TOP2B: variants seen among roughly 807,000 people sequenced by gnomAD.
The protein encoded by TOP2B is DNA topoisomerase 2-beta.
TOP2B carries 51 observed loss-of-function variants against 193.5 expected under a neutral mutation model. That is an observed-to-expected ratio of 0.26 (90% CI 0.21 to 0.33). TOP2B has a LOEUF of 0.33. TOP2B is among the 10% of genes least tolerant of loss of function. The probability of loss-of-function intolerance (pLI) is 1.00; values close to 1 mark genes in which losing one functional copy is unlikely to be tolerated. For missense variants in TOP2B, 1,378 were observed against 1,909.3 expected (o/e 0.72, Z 5.19); for synonymous variants, 634 against 635.7 (o/e 1.00, Z 0.04).
In TOP2B at chr3:25,618,411, T is replaced by C; in HGVS notation, c.3351+7A>G. On this transcript the variant is annotated splice_region_variant and intron_variant, in intron 25 of 35. Coordinates refer to ENST00000264331, the MANE Select transcript of TOP2B (RefSeq NM_001330700.2). ...TTCTCTGAATGTCTTTTTCTGCAAA[T>C]GATTACCTTTTCTTGTGCTTCTTTC... is the stretch of plus-strand genomic sequence containing the variant. 6.2e-7 allele frequency: 1 copy of C among 1,603,728 alleles called. No homozygotes were observed.
rs1439771558 is a variant in TOP2B, at chr3:25,623,550, T to C, written c.2692A>G (p.Arg898Gly). ...YDAREIVNNV[R>G]RMLDGLDPHP... ...GGATCCAGGCCATCTAGCATTCGTCTGACATTGTTCACAATTTCCCTAGCA... is the reference window on the plus strand; with the variant it reads ...GGATCCAGGCCATCTAGCATTCGTCCGACATTGTTCACAATTTCCCTAGCA... Residue 898 changes from arginine (R) to glycine (G), a missense_variant, in exon 21 of 36, where the codon AGA becomes GGA. Coordinates refer to ENST00000264331, the MANE Select transcript of TOP2B (RefSeq NM_001330700.2). 2 of 1,613,870 alleles carry C rather than the reference T, an allele frequency of 1.2e-6. No individual in the cohort carries two copies. Among genetic ancestry groups the C allele is most frequent in the Non-Finnish European group, 8.5e-7 (1 of 1,179,874 alleles).
At chr3:25,608,454 C>T (rs919396618) in intron 30 of TOP2B, among the ~76,000 whole-genome samples, 4 of 152,120 alleles carry the variant, frequency 2.6e-5, no homozygotes, top group Non-Finnish European at 4.4e-5. Flanking sequence ...CTATATTATG[C>T]TACCTATGTA....
At chr3:25,661,926 G>A (rs908024956) in intron 1 of TOP2B, among the ~76,000 whole-genome samples, 6 of 152,126 alleles carry the variant, frequency 3.9e-5, no homozygotes, top group South Asian at 2.1e-4. Flanking sequence ...CCACAAGCAG[G>A]TGGCAACATA....
At position 25,622,335 on chromosome 3, in the gene TOP2B, A is replaced by T. The variant is rs531754781; in HGVS notation, c.2727+1180T>A. On this transcript the variant is annotated intron_variant, in intron 21 of 35. Transcript: ENST00000264331. ...GAAATATTTTGAAGTACTTTGAAGT[A>T]TTTAAGAGAAAAAGCAGAATATATG... Among the ~76,000 whole-genome samples, 11 of 152,348 alleles carry T rather than the reference A, an allele frequency of 7.2e-5. No homozygotes were observed. The South Asian group carries it at 2.3e-3, about 32-fold the overall frequency.
intron 1 of TOP2B, 107 bp downstream of exon 1, chr3:25,664,122 G>A: frequency 1.3e-6 from 2 of 1,488,342 alleles, no homozygotes; most frequent in South Asian, 2.4e-5. Flanking sequence ...GCGCCCGTTC[G>A]GGGGACGGGA....
At chr3:25,602,675 C>A (rs1702138543) in intron 33 of TOP2B, among the ~76,000 whole-genome samples, 1 of 152,136 alleles carries the variant, frequency 6.6e-6, no homozygotes, top group African/African-American at 2.4e-5. Context: ...ACAAGAACCA[C>A]AGGGCAGCTC....
rs756267707 is a variant in TOP2B at position 25,636,071 on chromosome 3, T to C, written c.717A>G (p.Thr239=). The C allele has an allele frequency of 1.9e-6, 3 of 1,612,936 alleles. No individual in the cohort carries two copies. Among genetic ancestry groups the C allele is most frequent in the East Asian group, 2.2e-5 (1 of 44,834 alleles). ...TAAATTTGGACAGATCTGGTTGGAA[T>C]GTTATGCATGTGTAATCTTCACCAT... ...HFDGEDYTCI[T]FQPDLSKFKM... The change falls in exon 7 of 36, where the codon ACA becomes ACG. Residue 239 remains threonine (T), a synonymous_variant. Coordinates refer to ENST00000264331, the MANE Select transcript of TOP2B (RefSeq NM_001330700.2).
chr3:25,619,868 A>G lies in TOP2B; in HGVS notation c.3057T>C (p.Asn1019=). 1.1e-5 allele frequency: 17 copies of G among 1,598,146 alleles called. No individual in the cohort carries two copies. The highest frequency in any genetic ancestry group is 1.5e-5 in the Non-Finnish European group (17 of 1,166,060). ...VFKLQTTLTC[N]SMVLFDHMGC... ...AGTAAATCTAATAAATTACCATGGA[A>G]TTACAAGTAAGAGTAGTTTGAAGTT... Residue 1019 remains asparagine (N), a synonymous_variant, in exon 23 of 36, where the codon AAT becomes AAC. Coordinates refer to ENST00000264331, the MANE Select transcript of TOP2B (RefSeq NM_001330700.2).
intron 13 of TOP2B, 117 bp from the exon 14 acceptor site, chr3:25,629,262 A>G (rs904020557): frequency 3.0e-6 from 2 of 663,336 alleles, no homozygotes; most frequent in African/African-American, 3.7e-5. Flanking sequence ...TTAGAAATGC[A>G]TTTTACAAAA....
intron 30 of TOP2B, 76 bp from the exon 31 acceptor site, chr3:25,607,451 C>A: frequency 6.9e-7 from 1 of 1,445,610 alleles, no homozygotes; most frequent in Non-Finnish European, 9.3e-7. Flanking sequence ...ACTGATAAAG[C>A]ATTTGAAGTA....
intron 2 of TOP2B, among the ~76,000 whole-genome samples, chr3:25,644,577 T>G (rs187469505): frequency 0.013 from 1,953 of 151,374 alleles, 43 homozygotes; most frequent in African/African-American, 0.043. Context: ...GGCGCATGCC[T>G]GTAATCCCAG....
In TOP2B at chr3:25,604,871, C is replaced by G; in HGVS notation, c.4379-1G>C. ...TCATTACTGTCAAATTTAGCTGAATCTAAAAATTGCAAAGCCTTCTTTTAG... is the reference window on the plus strand; with the variant it reads ...TCATTACTGTCAAATTTAGCTGAATGTAAAAATTGCAAAGCCTTCTTTTAG... On this transcript the variant is annotated splice_acceptor_variant, in intron 32 of 35. Coordinates refer to ENST00000264331, the MANE Select transcript of TOP2B (RefSeq NM_001330700.2). LOFTEE classifies it high-confidence loss of function. 1 of 1,608,582 alleles carries G rather than the reference C, an allele frequency of 6.2e-7. No individual in the cohort carries two copies. Among genetic ancestry groups the G allele is most frequent in the Non-Finnish European group, 8.5e-7 (1 of 1,176,360 alleles).
intron 29 of TOP2B, 84 bp from the exon 30 acceptor site, chr3:25,609,428 T>C (rs1702314556): frequency 6.8e-7 from 1 of 1,464,434 alleles, no homozygotes; most frequent in Non-Finnish European, 9.1e-7. Flanking sequence ...TAATGAAAAG[T>C]TCATTACAAA....
intron 1 of TOP2B, among the ~76,000 whole-genome samples, chr3:25,649,194 A>T (rs2125401387): frequency 6.6e-6 from 1 of 152,310 alleles, no homozygotes; most frequent in South Asian, 2.1e-4. Flanking sequence ...GCCAAGGGAA[A>T]GGAGCAAAAA....
chr3:25,627,157 C>T (rs1702824075), intron 16 of TOP2B, 30 bp downstream of exon 16: 2 of 1,512,554 alleles, frequency 1.3e-6, no homozygotes, highest in African/African-American at 1.4e-5. Flanking sequence ...GGATGGCTAA[C>T]AAAAGCTTTT....
intron 28 of TOP2B, among the ~76,000 whole-genome samples, chr3:25,610,414 CA>C (rs1702339354): frequency 6.6e-6 from 1 of 151,966 alleles, no homozygotes; most frequent in African/African-American, 2.4e-5. Flanking sequence ...AAGGCAGGGT[CA>C]AAAAAGTCTC....
intron 6 of TOP2B, 79 bp downstream of exon 6, chr3:25,637,136 A>C: frequency 8.7e-7 from 1 of 1,143,896 alleles, no homozygotes; most frequent in East Asian, 2.6e-5. Flanking sequence ...CATCACTGCA[A>C]TTTACCCAAG....
chr3:25,653,037 C>T (rs73054061), intron 1 of TOP2B, among the ~76,000 whole-genome samples: 53,966 of 151,874 alleles, frequency 0.36, 10,324 homozygotes, highest in African/African-American at 0.5. Context: ...GATTAGATAA[C>T]CTAGAAGAAA....
chr3:25,645,394 A>C lies in TOP2B; in HGVS notation c.146T>G (p.Leu49Trp), dbSNP rs777742617. The stretch of plus-strand genomic sequence containing the variant: ...CTTCTGATACACTCTCTCAACAGAC[A>C]ACTTCTTTGAAGAATCATTTTTGTT... ...TANKNDSSKKLSVERVYQKKT... is the reference protein window; with the variant it reads ...TANKNDSSKKWSVERVYQKKT... The change falls in exon 2 of 36, where the codon TTG becomes TGG. Residue 49 changes from leucine (L) to tryptophan (W), a missense_variant. Leu to Trp is a moderately conservative substitution (Grantham distance 61). Coordinates refer to ENST00000264331, the MANE Select transcript of TOP2B (RefSeq NM_001330700.2). 3.1e-6 allele frequency: 5 copies of C among 1,613,828 alleles called. No homozygotes were observed. The Admixed American group carries it at 6.7e-5, about 22-fold the overall frequency.
Sources: allele counts gnomAD v4.1 joint callset (sites outside exome capture counted in the v4.1 genomes callset), GRCh38; gene constraint gnomAD v4.1.1; transcripts MANE v1.5; gene names NCBI Gene and HGNC (gene_info 2026-07-23, HGNC 2026-07-21).